Variants in PRUNE2 observed in about 807,000 individuals in gnomAD.
PRUNE2 encodes protein prune homolog 2.
In PRUNE2, 164 loss-of-function variants were observed where a neutral mutation model predicts 252.0. That is an observed-to-expected ratio of 0.65 (90% CI 0.57 to 0.74). The LOEUF (loss-of-function observed/expected upper bound fraction) is 0.74, where lower values mean the gene tolerates loss of function less well. Among genes scored for constraint, PRUNE2 ranks in the 30% least tolerant of loss-of-function variants. The probability of loss-of-function intolerance (pLI) is 0.00; values close to 1 mark genes in which losing one functional copy is unlikely to be tolerated. For missense variants in PRUNE2, 3,495 were observed against 3,711.0 expected (o/e 0.94, Z 1.51); for synonymous variants, 1,292 against 1,350.2 (o/e 0.96, Z 0.94).
chr9:76,643,854 A>G (rs556923980), intron 12 of PRUNE2, among the ~76,000 whole-genome samples: 5 of 152,120 alleles, frequency 3.3e-5, no homozygotes, highest in Non-Finnish European at 7.4e-5. Context: ...AAACAAAAGC[A>G]GTGTTTTGAG....
intron 6 of PRUNE2, chr9:76,740,063 C>CA (rs113402392): frequency 0.062 from 8,338 of 134,162 alleles, 710 homozygotes; most frequent in African/African-American, 0.2. Flanking sequence ...TACTCTGTTT[C>CA]AAAAAAAAAA....
At chr9:76,782,234 G>A (rs773893774) in intron 6 of PRUNE2, among the ~76,000 whole-genome samples, 18 of 151,966 alleles carry the variant, frequency 1.2e-4, no homozygotes, top group South Asian at 4.2e-4. Flanking sequence ...AAAAAAGAAA[G>A]CATTGGGAAA....
At chr9:76,802,832 C>G (rs2056654844) in intron 6 of PRUNE2, among the ~76,000 whole-genome samples, 1 of 152,006 alleles carries the variant, frequency 6.6e-6, no homozygotes, top group African/African-American at 2.4e-5. Context: ...AGGTTGTTTT[C>G]CCCCTTTGTA....
At chr9:76,845,219 C>G (rs1175213876) in intron 4 of PRUNE2, among the ~76,000 whole-genome samples, 2 of 152,104 alleles carry the variant, frequency 1.3e-5, no homozygotes, top group Non-Finnish European at 2.9e-5. Context: ...TATTATTTTA[C>G]TATTTGTAGA....
chr9:76,757,800 T>C (rs1170229844), intron 6 of PRUNE2, among the ~76,000 whole-genome samples: 1 of 152,034 alleles, frequency 6.6e-6, no homozygotes, highest in Non-Finnish European at 1.5e-5. Context: ...TAGCTGTACA[T>C]GGTGGCATGC....
chr9:76,715,331 G>A (rs1455237957), intron 6 of PRUNE2, among the ~76,000 whole-genome samples: 2 of 152,202 alleles, frequency 1.3e-5, no homozygotes, highest in Admixed American at 1.3e-4. Context: ...CAAGGTCTGT[G>A]AGGCTCTGAA....
intron 9 of PRUNE2, among the ~76,000 whole-genome samples, chr9:76,685,690 C>T (rs2044008500): frequency 6.6e-6 from 1 of 152,148 alleles, no homozygotes. Flanking sequence ...GAAACCAATT[C>T]TAGCAATACC....
intron 5 of PRUNE2, 133 bp from the exon 6 acceptor site, chr9:76,823,859 T>C (rs1390997941): frequency 2.4e-5 from 15 of 617,648 alleles, no homozygotes; most frequent in African/African-American, 1.9e-5. Flanking sequence ...TTATCCACAA[T>C]AAACACACAC....
intron 6 of PRUNE2, among the ~76,000 whole-genome samples, chr9:76,808,329 A>G (rs1212304530): frequency 6.6e-6 from 1 of 152,222 alleles, no homozygotes; most frequent in Admixed American, 6.5e-5. Flanking sequence ...AAAAGTTAAG[A>G]GGCTCATTTT....
rs576675312 is a variant in PRUNE2 at position 76,827,422 on chromosome 9, CT to C, written c.509-691del. Among the ~76,000 whole-genome samples the C allele has an allele frequency of 6.6e-5, 10 of 152,296 alleles. No homozygotes were observed. In the South Asian group the frequency reaches 2.1e-3, roughly 32 times the overall value. On this transcript the variant is annotated intron_variant, in intron 4 of 18. Coordinates refer to ENST00000376718, the MANE Select transcript of PRUNE2 (RefSeq NM_015225.3). ...CTGTGACTTCTGTGGATAATCTCATCTTGAAAGGGAGGAGTTAGCACCCCAT... is the reference window on the plus strand; with the variant it reads ...CTGTGACTTCTGTGGATAATCTCATCTGAAAGGGAGGAGTTAGCACCCCAT...
intron 6 of PRUNE2, among the ~76,000 whole-genome samples, chr9:76,753,540 C>T (rs2050817139): frequency 1.3e-5 from 2 of 152,106 alleles, no homozygotes; most frequent in South Asian, 2.1e-4. Context: ...TGTTACAACA[C>T]CTGAGGGTGC....
rs1477981769 is a variant in PRUNE2, at chr9:76,629,250, A to C, written c.9091T>G (p.Ser3031Ala). 6.2e-7 allele frequency: 1 copy of C among 1,601,872 alleles called. No individual in the cohort carries two copies. Among genetic ancestry groups the C allele is most frequent in the Admixed American group, 1.7e-5 (1 of 59,352 alleles). Reference sequence around the variant, plus strand: ...ATTGGGATCAGCCCACTGAGTTCTGATAAGCTATTGACATATTTAATTTTA... The same window carrying C: ...ATTGGGATCAGCCCACTGAGTTCTGCTAAGCTATTGACATATTTAATTTTA... ...SSKIKYVNSL[S>A]ELSGLIPMDC... The change falls in exon 16 of 19, where the codon TCA (serine) becomes GCA (alanine). Residue 3031 changes from serine (S) to alanine (A), a missense_variant. Physicochemically the swap from Ser to Ala is moderately conservative, Grantham distance 99 (BLOSUM62 1). Transcript: ENST00000376718.
intron 1 of PRUNE2, among the ~76,000 whole-genome samples, chr9:76,871,315 G>T (rs935201162): frequency 4.6e-5 from 7 of 152,166 alleles, no homozygotes; most frequent in Non-Finnish European, 1.0e-4. Context: ...ATTGTATTAG[G>T]CATTATCAGT....
chr9:76,626,456 T>C (rs1017783496), intron 16 of PRUNE2, among the ~76,000 whole-genome samples: 1 of 152,122 alleles, frequency 6.6e-6, no homozygotes, highest in Non-Finnish European at 1.5e-5. Context: ...GTAACAGAAA[T>C]GGCAGAAAGG....
chr9:76,845,800 C>T (rs887363019), intron 4 of PRUNE2, among the ~76,000 whole-genome samples: 2 of 152,126 alleles, frequency 1.3e-5, no homozygotes, highest in African/African-American at 4.8e-5. Flanking sequence ...ATGCTTTATA[C>T]AAAAACCAGA....
chr9:76,685,600 A>C (rs1387660146), intron 9 of PRUNE2, among the ~76,000 whole-genome samples: 6 of 152,204 alleles, frequency 3.9e-5, no homozygotes, highest in African/African-American at 1.4e-4. Context: ...ACACAAACAC[A>C]CACAGAGGGA....
At chr9:76,648,176 T>C (rs11144992) in intron 11 of PRUNE2, among the ~76,000 whole-genome samples, 8,757 of 152,194 alleles carry the variant, frequency 0.058, 587 homozygotes, top group East Asian at 0.16. Context: ...CACCAAATGC[T>C]GGTGAGAATG....
At chr9:76,627,769 C>A in intron 16 of PRUNE2, 1 of 265,354 alleles carries the variant, frequency 3.8e-6, no homozygotes, top group Non-Finnish European at 7.8e-6. Flanking sequence ...AATTTCCGTT[C>A]CATCTCTTCC....
chr9:76,693,652 G>C (rs113557214), intron 9 of PRUNE2, among the ~76,000 whole-genome samples: 2,079 of 151,926 alleles, frequency 0.014, 40 homozygotes, highest in African/African-American at 0.047. Flanking sequence ...TCATATTGGT[G>C]AGACTGGTCT....
Sources: gnomAD v4.1 joint callset for allele counts (sites outside exome capture counted in the v4.1 genomes callset) on GRCh38, gnomAD v4.1.1 for gene constraint, MANE v1.5 for transcripts, NCBI Gene and HGNC (gene_info 2026-07-23, HGNC 2026-07-21) for gene names.